The following RBM47 variants were observed in gnomAD, a reference collection of about 807,000 sequenced individuals.
RBM47 encodes the protein RNA-binding protein 47.
A neutral mutation model predicts 47.1 loss-of-function variants in RBM47; 21 were observed. The observed-to-expected ratio is 0.45, with a 90% CI of 0.32 to 0.64. RBM47 has a LOEUF of 0.64. Among genes scored for constraint, RBM47 ranks in the 30% least tolerant of loss-of-function variants. The pLI is 0.05. For missense variants in RBM47, 708 were observed against 870.9 expected, an observed-to-expected ratio of 0.81 and a Z score of 2.35; for synonymous variants, 375 against 361.7, an observed-to-expected ratio of 1.04 and a Z score of -0.42.
intron 1 of RBM47, among the ~76,000 whole-genome samples, chr4:40,605,223 C>T (rs1735658612): frequency 6.6e-6 from 1 of 151,962 alleles, no homozygotes; most frequent in Admixed American, 6.6e-5. Context: ...CGGGGTTTCA[C>T]CATATTGGCC....
intron 2 of RBM47, among the ~76,000 whole-genome samples, chr4:40,481,489 T>TTA (rs1560406262): frequency 0.045 from 4,915 of 110,280 alleles, 121 homozygotes; most frequent in Non-Finnish European, 0.067. Flanking sequence ...TATTATTATT[T>TTA]TTATTTTTAT....
intron 1 of RBM47, among the ~76,000 whole-genome samples, chr4:40,619,113 CCACCAA>C (rs989516047): frequency 7.9e-5 from 12 of 152,124 alleles, no homozygotes. Context: ...CTGGCTCTCT[CCACCAA>C]CACCAACACC....
intron 3 of RBM47, among the ~76,000 whole-genome samples, chr4:40,446,041 G>C (rs77512294): frequency 6.6e-6 from 1 of 152,200 alleles, no homozygotes; most frequent in Non-Finnish European, 1.5e-5. Context: ...ACAGTCTGAA[G>C]TCCAAATCTT....
At chr4:40,613,661 A>G (rs1560505922) in intron 1 of RBM47, among the ~76,000 whole-genome samples, 2 of 152,132 alleles carry the variant, frequency 1.3e-5, no homozygotes, top group African/African-American at 2.4e-5. Flanking sequence ...ATGGTGTGTA[A>G]GACAGTAGTA....
At chr4:40,553,813 C>T (rs1216341790) in intron 1 of RBM47, among the ~76,000 whole-genome samples, 2 of 152,150 alleles carry the variant, frequency 1.3e-5, no homozygotes, top group Non-Finnish European at 2.9e-5. Flanking sequence ...TTACTATCAA[C>T]AAGCTAAAAA....
intron 2 of RBM47, among the ~76,000 whole-genome samples, chr4:40,534,585 G>A (rs1727736370): frequency 1.3e-5 from 2 of 152,096 alleles, no homozygotes; most frequent in African/African-American, 4.8e-5. Context: ...TCAGAATGTC[G>A]ATGGACATAC....
At chr4:40,525,573 G>A (rs1009453465) in intron 2 of RBM47, among the ~76,000 whole-genome samples, 1 of 152,142 alleles carries the variant, frequency 6.6e-6, no homozygotes, top group African/African-American at 2.4e-5. Context: ...AGGCAGTTGT[G>A]TATACAGAAG....
Position 40,609,604 on chromosome 4 carries a change from C to T in RBM47, c.-240+19792G>A, listed in dbSNP as rs558058018. On this transcript the variant is annotated intron_variant, in intron 1 of 6. Coordinates refer to ENST00000295971, the MANE Select transcript of RBM47 (RefSeq NM_001098634.2). ...CTGGGATTACAGGCGTGAGTCACTGCGCCCAGCCATGACCTTTTTCTTCTT... is the reference window on the plus strand; with the variant it reads ...CTGGGATTACAGGCGTGAGTCACTGTGCCCAGCCATGACCTTTTTCTTCTT... 4.6e-5 allele frequency among the ~76,000 whole-genome samples: 7 copies of T among 152,118 alleles called. No homozygotes were observed. The South Asian group carries it at 1.2e-3, about 27-fold the overall frequency.
chr4:40,439,842 C>T (rs533878278), intron 3 of RBM47, among the ~76,000 whole-genome samples: 1 of 152,278 alleles, frequency 6.6e-6, no homozygotes, highest in Non-Finnish European at 1.5e-5. Flanking sequence ...TTTTCTGGCT[C>T]CAGATTCCCT....
At chr4:40,566,192 G>C (rs919640256) in intron 1 of RBM47, among the ~76,000 whole-genome samples, 4 of 152,188 alleles carry the variant, frequency 2.6e-5, no homozygotes, top group African/African-American at 9.6e-5. Context: ...CATTATTGAG[G>C]AGAACTGCTT....
upstream of RBM47, chr4:40,630,498 G>C (rs552939259): frequency 1.3e-5 from 2 of 152,338 alleles, no homozygotes; most frequent in South Asian, 4.1e-4. Flanking sequence ...GCGCAGGCAG[G>C]AGCGTCACGC....
intron 4 of RBM47, chr4:40,436,942 C>CA: frequency 4.5e-6 from 2 of 444,954 alleles, no homozygotes; most frequent in Admixed American, 2.6e-5. Flanking sequence ...CTCCCCCCCG[C>CA]CAAAAAAAAA....
chr4:40,585,789 G>A (rs1300162370), intron 1 of RBM47, among the ~76,000 whole-genome samples: 1 of 152,208 alleles, frequency 6.6e-6, no homozygotes, highest in African/African-American at 2.4e-5. Context: ...ATAGGACACA[G>A]CATCTGTCGT....
At chr4:40,601,386 T>G (rs1375418841) in intron 1 of RBM47, among the ~76,000 whole-genome samples, 1 of 152,152 alleles carries the variant, frequency 6.6e-6, no homozygotes, top group African/African-American at 2.4e-5. Context: ...TTGGATGGTG[T>G]GTCAAACCAG....
At chr4:40,432,580 G>C in intron 6 of RBM47, 71 bp downstream of exon 6, 1 of 1,595,472 alleles carries the variant, frequency 6.3e-7, no homozygotes, top group South Asian at 1.1e-5. Flanking sequence ...TCTCAGTGCT[G>C]AATACTAAAT....
chr4:40,533,728 C>T (rs1268468511), intron 2 of RBM47, among the ~76,000 whole-genome samples: 6 of 152,044 alleles, frequency 3.9e-5, no homozygotes, highest in South Asian at 2.1e-4. Context: ...CTCGACTTCC[C>T]GGGCTCAAAT....
intron 2 of RBM47, among the ~76,000 whole-genome samples, chr4:40,509,505 G>A (rs1161627453): frequency 2.0e-5 from 3 of 152,266 alleles, no homozygotes; most frequent in Non-Finnish European, 4.4e-5. Flanking sequence ...GGGTGGTCTA[G>A]GTGGGAGAAT....
chr4:40,513,871 A>C lies in RBM47; in HGVS notation c.-155+30551T>G, dbSNP rs536828520. 5.3e-5 allele frequency among the ~76,000 whole-genome samples: 8 copies of C among 152,064 alleles called. No homozygotes were observed. In the East Asian group the frequency reaches 1.4e-3, roughly 26 times the overall value. On this transcript the variant is annotated intron_variant, in intron 2 of 6. Transcript: ENST00000295971. ...GTAGCTGGGACTACCGGCGCACACC[A>C]CCATGCCCGGCTAATTTTTGTATTT...
chr4:40,437,090 A>ATATATAT lies in RBM47; in HGVS notation c.1124-444_1124-443insATATATA, dbSNP rs1553877705. Reference sequence around the variant, plus strand: ...CCCTGTCTCAAAAAAAAAAAAAAAAAATATATATATATATATATATAAAAT... The same window carrying ATATATAT: ...CCCTGTCTCAAAAAAAAAAAAAAAAATATATATATATATATATATATATATATAAAAT... On this transcript the variant is annotated intron_variant, in intron 4 of 6. Transcript: ENST00000295971. Among the ~76,000 whole-genome samples, 18 of 49,804 alleles carry ATATATAT rather than the reference A, an allele frequency of 3.6e-4. 3 individuals carry two copies. The highest frequency in any genetic ancestry group is 3.1e-3 in the East Asian group (4 of 1,292). 32.7% of individuals were successfully genotyped at this position (49,804 alleles called of 152,430 possible).
Sources: allele counts gnomAD v4.1 joint callset (sites outside exome capture counted in the v4.1 genomes callset), GRCh38; gene constraint gnomAD v4.1.1; transcripts MANE v1.5; gene names NCBI Gene and HGNC (gene_info 2026-07-23, HGNC 2026-07-21).